Variants in ZNF532 observed in about 807,000 individuals in gnomAD.
ZNF532 encodes the protein zinc finger protein 532.
ZNF532 carries 22 observed loss-of-function variants against 89.3 expected under a neutral mutation model. The ratio of observed to expected loss-of-function variants is 0.25; its 90% CI spans 0.18 to 0.35. The LOEUF (loss-of-function observed/expected upper bound fraction) is 0.35. Ranked by LOEUF, ZNF532 falls within the 10% of genes least tolerant of loss-of-function variation. The pLI is 1.00. For synonymous variants in ZNF532, 606 were observed against 649.6 expected (o/e 0.93, Z 1.02); for missense variants, 1,132 against 1,643.4 (o/e 0.69, Z 5.38).
chr18:58,961,368 T>C (rs2065327418), intron 7 of ZNF532, among the ~76,000 whole-genome samples: 1 of 152,198 alleles, frequency 6.6e-6, no homozygotes, highest in Non-Finnish European at 1.5e-5. Flanking sequence ...TATGCAGAGT[T>C]TGCATTTCTC....
At chr18:58,892,074 A>C (rs2058940424) in intron 2 of ZNF532, among the ~76,000 whole-genome samples, 1 of 152,216 alleles carries the variant, frequency 6.6e-6, no homozygotes, top group African/African-American at 2.4e-5. Flanking sequence ...TTTAAACATA[A>C]AAATTATGAT....
chr18:58,985,592 C>G lies in ZNF532; in HGVS notation c.*1126C>G, dbSNP rs1426467381. On this transcript the variant is annotated 3_prime_UTR_variant, in exon 10 of 10. Transcript: ENST00000591808. Reference sequence around the variant, plus strand: ...AGCACTGAGCCACCCGGGTTTAGTTCAGCCATTTCAAGAAGTATATTTAAC... The same window carrying G: ...AGCACTGAGCCACCCGGGTTTAGTTGAGCCATTTCAAGAAGTATATTTAAC... 1 of 152,518 alleles carries G rather than the reference C, an allele frequency of 6.6e-6. No homozygotes were observed. The highest frequency in any genetic ancestry group is 1.5e-5 in the Non-Finnish European group (1 of 68,016). 9.4% of individuals were successfully genotyped at this position (152,518 alleles called of 1,614,324 possible).
intron 5 of ZNF532, among the ~76,000 whole-genome samples, chr18:58,944,105 C>G (rs1041011746): frequency 1.3e-5 from 2 of 152,172 alleles, no homozygotes. Flanking sequence ...TGTCATCTAC[C>G]TCACTGTGGC....
In ZNF532 at chr18:58,948,054, T is replaced by G; in HGVS notation, c.2706-13T>G. ...GCTGACTGACATGATCTCGCTGCAC[T>G]CTTCTATTTTAGAATAATATATAAG... On this transcript the variant is annotated splice_polypyrimidine_tract_variant and intron_variant, in intron 5 of 9. Transcript: ENST00000591808. 6.2e-7 allele frequency: 1 copy of G among 1,603,626 alleles called. No homozygotes were observed. Among genetic ancestry groups the G allele is most frequent in the Non-Finnish European group, 8.5e-7 (1 of 1,175,568 alleles).
intron 2 of ZNF532, among the ~76,000 whole-genome samples, chr18:58,893,736 G>A (rs1049362557): frequency 1.3e-5 from 2 of 151,934 alleles, no homozygotes; most frequent in Admixed American, 1.3e-4. Context: ...ATATTGATCT[G>A]TTAGGACTGC....
intron 2 of ZNF532, among the ~76,000 whole-genome samples, chr18:58,905,690 C>CT (rs1216147757): frequency 6.6e-6 from 1 of 152,160 alleles, no homozygotes; most frequent in Admixed American, 6.6e-5. Context: ...GGCCGGTTCT[C>CT]TTTAACTATT....
At position 58,871,911 on chromosome 18, in the gene ZNF532, T is replaced by C. The variant is rs532106421; in HGVS notation, c.-18+6332T>C. Among the ~76,000 whole-genome samples the C allele has an allele frequency of 2.6e-5, 4 of 152,352 alleles. No individual in the cohort carries two copies. In the South Asian group the frequency reaches 8.3e-4, roughly 32 times the overall value. ...AAGATGTATTTGTTTTATGTATTCT[T>C]TGAAAAGGCTGAGAAAATCAAAGCA... On this transcript the variant is annotated intron_variant, in intron 2 of 9. Coordinates refer to ENST00000591808, the MANE Select transcript of ZNF532 (RefSeq NM_001375912.1).
intron 2 of ZNF532, among the ~76,000 whole-genome samples, chr18:58,888,891 T>A (rs1332489372): frequency 0.013 from 493 of 37,232 alleles, 36 homozygotes; most frequent in Middle Eastern, 0.061. Flanking sequence ...TATATATATT[T>A]TATATATATA....
chr18:58,875,866 C>T (rs1436870965), intron 2 of ZNF532, among the ~76,000 whole-genome samples: 2 of 151,000 alleles, frequency 1.3e-5, no homozygotes, highest in Admixed American at 1.3e-4. Flanking sequence ...CCGTACCTCT[C>T]GGGAGCCCTT....
intron 7 of ZNF532, chr18:58,954,091 A>C: frequency 9.1e-7 from 1 of 1,101,066 alleles, no homozygotes; most frequent in Non-Finnish European, 1.1e-6. Flanking sequence ...AGAGAAAAAT[A>C]GTAAACCAAG....
chr18:58,957,093 T>A (rs1306003589), intron 7 of ZNF532, among the ~76,000 whole-genome samples: 8 of 152,220 alleles, frequency 5.3e-5, no homozygotes, highest in Non-Finnish European at 8.8e-5. Context: ...TATTTAGTGA[T>A]CTTCCAGTGT....
intron 2 of ZNF532, among the ~76,000 whole-genome samples, chr18:58,893,523 G>T (rs2059044335): frequency 6.6e-6 from 1 of 152,020 alleles, no homozygotes; most frequent in Non-Finnish European, 1.5e-5. Context: ...GGGTGTGGTG[G>T]CTCGTGCCTG....
At chr18:58,941,707 A>C (rs935270385) in intron 5 of ZNF532, among the ~76,000 whole-genome samples, 4 of 152,010 alleles carry the variant, frequency 2.6e-5, no homozygotes, top group Non-Finnish European at 4.4e-5. Context: ...GGGCTCAAGC[A>C]GTCCTCTCAA....
At chr18:58,880,413 C>T (rs1489598977) in intron 2 of ZNF532, among the ~76,000 whole-genome samples, 1 of 152,102 alleles carries the variant, frequency 6.6e-6, no homozygotes, top group Non-Finnish European at 1.5e-5. Context: ...ATGGATATGC[C>T]AAGGCTAAGT....
intron 2 of ZNF532, among the ~76,000 whole-genome samples, chr18:58,891,344 A>G (rs1435818295): frequency 6.6e-6 from 1 of 152,206 alleles, no homozygotes; most frequent in African/African-American, 2.4e-5. Flanking sequence ...AGCTTGGCCA[A>G]CATGGCGAAA....
intron 7 of ZNF532, among the ~76,000 whole-genome samples, chr18:58,958,406 CT>C (rs1234605616): frequency 6.6e-6 from 1 of 152,162 alleles, no homozygotes; most frequent in Admixed American, 6.5e-5. Context: ...CAGTAAAAAA[CT>C]TACCAATTTC....
chr18:58,953,348 A>C, intron 6 of ZNF532, 170 bp from the exon 7 acceptor site: 2 of 602,592 alleles, frequency 3.3e-6, no homozygotes, highest in Non-Finnish European at 2.8e-6. Context: ...GCAGACTTTT[A>C]TCTCTTTTGA....
chr18:58,984,656 A>G lies in ZNF532; in HGVS notation c.*190A>G, dbSNP rs997504213. 5 of 608,862 alleles carry G rather than the reference A, an allele frequency of 8.2e-6. No individual in the cohort carries two copies. The highest frequency in any genetic ancestry group is 5.5e-5 in the African/African-American group (3 of 54,360). 37.7% of individuals were successfully genotyped at this position (608,862 alleles called of 1,614,324 possible). On this transcript the variant is annotated 3_prime_UTR_variant, in exon 10 of 10. Transcript: ENST00000591808. Reference sequence around the variant, plus strand: ...TATTAAAACAGTATTTGAGTTTAAAAGAGTTTGTATATATTTAAATGAATA... The same window carrying G: ...TATTAAAACAGTATTTGAGTTTAAAGGAGTTTGTATATATTTAAATGAATA...
At position 58,934,486 on chromosome 18, in the gene ZNF532, A is replaced by C; in HGVS notation, c.2400A>C (p.Ser800=). The C allele has an allele frequency of 6.2e-7, 1 of 1,614,148 alleles. No homozygotes were observed. The highest frequency in any genetic ancestry group is 1.3e-5 in the African/African-American group (1 of 75,042). The stretch of plus-strand genomic sequence containing the variant: ...TTCCTAACCAGTGCAGTTATGCATC[A>C]CACCAGAGAATCCATCAGCACAAAT... ...MLLPNQCSYA[S]HQRIHQHKSP... Residue 800 remains serine, a synonymous_variant, in exon 4 of 10, where the codon TCA becomes TCC. Coordinates refer to ENST00000591808, the MANE Select transcript of ZNF532 (RefSeq NM_001375912.1).
Sources: allele counts gnomAD v4.1 joint callset (sites outside exome capture counted in the v4.1 genomes callset), GRCh38; gene constraint gnomAD v4.1.1; transcripts MANE v1.5; gene names NCBI Gene and HGNC (gene_info 2026-07-23, HGNC 2026-07-21).